Variants in CFAP95 observed in about 807,000 individuals in gnomAD.
CFAP95 encodes the protein cilia and flagella associated protein 95.
the CFAP95 span, among the ~76,000 whole-genome samples, chr9:69,865,823 G>A: frequency 1.3e-5 from 2 of 152,050 alleles, no homozygotes; most frequent in Admixed American, 6.6e-5. Flanking sequence ...ACTAATAAAA[G>A]CAAACATCAT....
At chr9:69,884,715 C>T in the CFAP95 span, 18 of 151,768 alleles carry the variant, frequency 1.2e-4, no homozygotes, top group Non-Finnish European at 1.8e-4. Flanking sequence ...AATATTTTCA[C>T]GGATAGGCTT....
At chr9:69,886,866 T>C in the CFAP95 span, 7 of 1,613,328 alleles carry the variant, frequency 4.3e-6, no homozygotes, top group South Asian at 7.7e-5. Flanking sequence ...CTCAGAAGAT[T>C]ATGTTCCACC....
the CFAP95 span, among the ~76,000 whole-genome samples, chr9:69,851,359 A>G: frequency 0.36 from 54,427 of 151,972 alleles, 9,997 homozygotes; most frequent in East Asian, 0.42. Flanking sequence ...AATCTCAGAT[A>G]ATAAGAAGCC....
the CFAP95 span, among the ~76,000 whole-genome samples, chr9:69,887,748 C>T: frequency 2.0e-5 from 3 of 152,166 alleles, no homozygotes; most frequent in Non-Finnish European, 4.4e-5. Flanking sequence ...ATCAGTAGAA[C>T]ATGGCAAAAG....
the CFAP95 span, among the ~76,000 whole-genome samples, chr9:69,861,997 A>G: frequency 6.6e-6 from 1 of 152,228 alleles, no homozygotes; most frequent in African/African-American, 2.4e-5. Flanking sequence ...TTATGCAAAC[A>G]CTATTAATAT....
At chr9:69,837,915 G>A in the CFAP95 span, among the ~76,000 whole-genome samples, 20 of 152,192 alleles carry the variant, frequency 1.3e-4, no homozygotes, top group Admixed American at 1.2e-3. Context: ...TGTATAAGGT[G>A]TAAGGAAGGG....
chr9:69,891,150 A>G, the CFAP95 span, among the ~76,000 whole-genome samples: 477 of 152,298 alleles, frequency 3.1e-3, 1 homozygote, highest in African/African-American at 0.011. Context: ...GAATTGTTTC[A>G]CAATACATGG....
chr9:69,886,898 G>A, the CFAP95 span: 3 of 1,610,202 alleles, frequency 1.9e-6, no homozygotes, highest in African/African-American at 1.3e-5. Flanking sequence ...AGCCACATGT[G>A]AGTACAAGAA....
chr9:69,825,386 C>T, the CFAP95 span, among the ~76,000 whole-genome samples: 3 of 152,154 alleles, frequency 2.0e-5, no homozygotes, highest in Non-Finnish European at 2.9e-5. Context: ...CCTCATTACT[C>T]ATATTAAAAT....
the CFAP95 span, among the ~76,000 whole-genome samples, chr9:69,875,695 T>C: frequency 6.6e-6 from 1 of 152,182 alleles, no homozygotes; most frequent in Admixed American, 6.5e-5. Flanking sequence ...TTCACTGTTG[T>C]CTATTAACAC....
the CFAP95 span, among the ~76,000 whole-genome samples, chr9:69,827,451 TTTTAG>T: frequency 3.9e-5 from 6 of 152,268 alleles, no homozygotes; most frequent in Non-Finnish European, 7.3e-5. Flanking sequence ...TCTCTGTCTC[TTTTAG>T]TTTAACAGCT....
At chr9:69,856,514 T>G in the CFAP95 span, 1 of 1,237,296 alleles carries the variant, frequency 8.1e-7, no homozygotes, top group Non-Finnish European at 1.2e-6. Context: ...CCATTTGTAG[T>G]GAAAATTCAT....
chr9:69,863,199 G>T, the CFAP95 span, among the ~76,000 whole-genome samples: 1 of 152,138 alleles, frequency 6.6e-6, no homozygotes, highest in Non-Finnish European at 1.5e-5. Context: ...ATTGACAGTG[G>T]CCTGTGATGG....
chr9:69,856,629 G>A, the CFAP95 span: 1 of 1,612,474 alleles, frequency 6.2e-7, no homozygotes. Context: ...TGAAGAGCAA[G>A]GCTTTATTGA....
At chr9:69,832,891 TAGAA>T in the CFAP95 span, among the ~76,000 whole-genome samples, 3 of 152,030 alleles carry the variant, frequency 2.0e-5, no homozygotes, top group Non-Finnish European at 4.4e-5. Flanking sequence ...TAGTTTTTCT[TAGAA>T]AGTCATGTAA....
At chr9:69,845,038 G>A in the CFAP95 span, among the ~76,000 whole-genome samples, 1 of 152,182 alleles carries the variant, frequency 6.6e-6, no homozygotes, top group Non-Finnish European at 1.5e-5. Flanking sequence ...CTTACTCAAA[G>A]TCACACAGCT....
the CFAP95 span, among the ~76,000 whole-genome samples, chr9:69,877,281 G>T: frequency 6.6e-6 from 1 of 151,880 alleles, no homozygotes; most frequent in East Asian, 1.9e-4. Context: ...TTTCTCAATT[G>T]GTCTATTTTT....
At chr9:69,836,823 G>A in the CFAP95 span, among the ~76,000 whole-genome samples, 1 of 150,178 alleles carries the variant, frequency 6.7e-6, no homozygotes, top group African/African-American at 2.5e-5. Context: ...CTGGTGCGCT[G>A]CACTCACTAA....
the CFAP95 span, chr9:69,821,007 C>T: frequency 1.9e-6 from 3 of 1,613,724 alleles, no homozygotes; most frequent in Middle Eastern, 1.7e-4. Flanking sequence ...AAGAAATACT[C>T]GAAGCCGGTG....
Sources: allele counts gnomAD v4.1 joint callset (sites outside exome capture counted in the v4.1 genomes callset), GRCh38; gene constraint gnomAD v4.1.1; transcripts MANE v1.5; gene names NCBI Gene and HGNC (gene_info 2026-07-23, HGNC 2026-07-21).